Variants in PDE4D observed in about 807,000 individuals in gnomAD.
PDE4D encodes the protein 3',5'-cyclic-AMP phosphodiesterase 4D.
PDE4D carries 24 observed loss-of-function variants against 87.4 expected under a neutral mutation model. The ratio of observed to expected loss-of-function variants is 0.27; its 90% confidence interval spans 0.20 to 0.39. The LOEUF is 0.39. PDE4D is among the 10% of genes least tolerant of loss of function. PDE4D has a pLI of 1.00. For synonymous variants in PDE4D, 384 were observed against 383.2 expected (o/e 1.00, Z -0.02); for missense variants, 714 against 1,041.0 (o/e 0.69, Z 4.32).
intron 1 of PDE4D, among the ~76,000 whole-genome samples, chr5:59,502,794 T>C (rs1325662312): frequency 6.6e-6 from 1 of 151,680 alleles, no homozygotes; most frequent in Non-Finnish European, 1.5e-5. Flanking sequence ...AATTAAAGCA[T>C]GGAGAAATTC....
At chr5:59,946,845 A>G (rs983991821) in intron 3 of PDE4D, among the ~76,000 whole-genome samples, 2 of 152,200 alleles carry the variant, frequency 1.3e-5, no homozygotes, top group African/African-American at 4.8e-5. Context: ...ACTCATTTTT[A>G]CCTTGTATAA....
chr5:59,298,858 A>C (rs12519611), intron 1 of PDE4D, among the ~76,000 whole-genome samples: 33,401 of 152,176 alleles, frequency 0.22, 4,069 homozygotes, highest in Admixed American at 0.34. Flanking sequence ...ATGTAACTGC[A>C]CATCTGATTT....
chr5:60,520,249 C>T (rs1359074352), intron 1 of PDE4D, among the ~76,000 whole-genome samples: 1 of 152,190 alleles, frequency 6.6e-6, no homozygotes, highest in African/African-American at 2.4e-5. Flanking sequence ...TCTCTTCTAC[C>T]TCTATGGTTC....
intron 1 of PDE4D, among the ~76,000 whole-genome samples, chr5:59,448,405 C>A (rs1482759139): frequency 6.6e-6 from 1 of 152,156 alleles, no homozygotes; most frequent in Non-Finnish European, 1.5e-5. Context: ...GTAAGCAGTG[C>A]TTGAGAGTGC....
intron 1 of PDE4D, among the ~76,000 whole-genome samples, chr5:59,223,844 C>A (rs1363346341): frequency 2.6e-5 from 4 of 151,906 alleles, no homozygotes; most frequent in African/African-American, 7.3e-5. Flanking sequence ...GTAGGATACC[C>A]GGAGAAGGCA....
chr5:60,040,451 G>T (rs1360879799), intron 2 of PDE4D, among the ~76,000 whole-genome samples: 2 of 152,156 alleles, frequency 1.3e-5, no homozygotes, highest in Non-Finnish European at 2.9e-5. Context: ...GAATAACATT[G>T]TCCTAATTAA....
chr5:59,036,992 C>T, intron 6 of PDE4D, among the ~76,000 whole-genome samples: 1 of 149,826 alleles, frequency 6.7e-6, no homozygotes, highest in East Asian at 2.0e-4. Flanking sequence ...AATCTGGGGC[C>T]TTCATAATAA....
At chr5:59,862,514 T>C (rs1746431223) in intron 1 of PDE4D, among the ~76,000 whole-genome samples, 1 of 152,184 alleles carries the variant, frequency 6.6e-6, no homozygotes, top group Non-Finnish European at 1.5e-5. Flanking sequence ...GGAACCAGAC[T>C]GGCTGACTGT....
At chr5:59,038,997 C>A in intron 5 of PDE4D, 26 bp from the exon 6 acceptor site, 1 of 1,556,380 alleles carries the variant, frequency 6.4e-7, no homozygotes, top group Non-Finnish European at 8.7e-7. Flanking sequence ...GAAAGGGGGA[C>A]TCAGTTCTCA....
At chr5:60,233,798 T>C (rs542420875) in intron 1 of PDE4D, among the ~76,000 whole-genome samples, 2 of 151,880 alleles carry the variant, frequency 1.3e-5, no homozygotes, top group African/African-American at 4.8e-5. Context: ...TGCTTACAGG[T>C]GAGGAAACTG....
At chr5:59,887,772 T>C (rs541580271) in intron 1 of PDE4D, among the ~76,000 whole-genome samples, 8 of 152,204 alleles carry the variant, frequency 5.3e-5, no homozygotes, top group African/African-American at 1.9e-4. Flanking sequence ...TGTATCCAAA[T>C]TGAAAGTGAA....
At chr5:60,392,935 AG>A (rs1160927563) in intron 1 of PDE4D, among the ~76,000 whole-genome samples, 1 of 152,240 alleles carries the variant, frequency 6.6e-6, no homozygotes, top group Non-Finnish European at 1.5e-5. Context: ...AAAGAGGTGA[AG>A]ATGTGCAACA....
chr5:60,247,731 T>TCA (rs904141300), intron 1 of PDE4D, among the ~76,000 whole-genome samples: 25 of 151,528 alleles, frequency 1.6e-4, no homozygotes, highest in South Asian at 1.0e-3. Flanking sequence ...TCCCTCTCTC[T>TCA]CACACACACA....
At chr5:60,234,196 G>C (rs752401229) in intron 1 of PDE4D, among the ~76,000 whole-genome samples, 3 of 151,782 alleles carry the variant, frequency 2.0e-5, no homozygotes, top group Non-Finnish European at 2.9e-5. Context: ...AGTCATACAA[G>C]AAGTAGTCTT....
At chr5:60,029,237 C>T (rs571992616) in intron 2 of PDE4D, among the ~76,000 whole-genome samples, 8 of 152,152 alleles carry the variant, frequency 5.3e-5, no homozygotes, top group African/African-American at 1.9e-4. Context: ...ATCTTGGGGC[C>T]CCCAAATCAC....
At chr5:60,175,266 T>A (rs1226511141) in intron 2 of PDE4D, among the ~76,000 whole-genome samples, 2 of 152,130 alleles carry the variant, frequency 1.3e-5, no homozygotes, top group Non-Finnish European at 2.9e-5. Context: ...ATTTCTAGCA[T>A]TTCCATTTGA....
chr5:59,011,591 G>A (rs989592038), intron 6 of PDE4D, among the ~76,000 whole-genome samples: 134 of 152,248 alleles, frequency 8.8e-4, no homozygotes, highest in Non-Finnish European at 1.5e-3. Flanking sequence ...GAAGCAAGAA[G>A]AGAAGTTTAG....
intron 1 of PDE4D, among the ~76,000 whole-genome samples, chr5:59,438,092 G>A (rs1003319672): frequency 2.0e-5 from 3 of 152,046 alleles, no homozygotes; most frequent in East Asian, 1.9e-4. Context: ...ACCTCCCACC[G>A]GGTCCCTCCC....
chr5:59,323,488 C>A (rs946159801), intron 1 of PDE4D, among the ~76,000 whole-genome samples: 2 of 152,172 alleles, frequency 1.3e-5, no homozygotes, highest in Admixed American at 1.3e-4. Context: ...CCCTTGCCCC[C>A]AGTCTGCTTC....
Sources: gnomAD v4.1 joint callset for allele counts (sites outside exome capture counted in the v4.1 genomes callset) on GRCh38, gnomAD v4.1.1 for gene constraint, MANE v1.5 for transcripts, NCBI Gene and HGNC (gene_info 2026-07-23, HGNC 2026-07-21) for gene names.